Variants in DNAH14 observed in about 807,000 individuals in gnomAD.
DNAH14 encodes axonemal beta dynein heavy chain 14.
In DNAH14, 478 loss-of-function variants were observed where a neutral mutation model predicts 520.9. The observed-to-expected ratio is 0.92, with a 90% CI of 0.85 to 0.99. The LOEUF is 0.99. DNAH14 is among the 50% of genes least tolerant of loss of function. The pLI, the probability that DNAH14 is intolerant of heterozygous loss-of-function variation, is 0.00. For missense variants in DNAH14, 4,831 were observed against 5,234.5 expected, an observed-to-expected ratio of 0.92 and a Z score of 2.38; for synonymous variants, 1,581 against 1,757.2, an observed-to-expected ratio of 0.90 and a Z score of 2.51.
chr1:224,966,738 C>G (rs545130951), intron 5 of DNAH14, among the ~76,000 whole-genome samples: 10 of 152,212 alleles, frequency 6.6e-5, no homozygotes, highest in African/African-American at 2.2e-4. Flanking sequence ...CAGGCTGAAG[C>G]CACAATGGTG....
rs900587509 is a variant in DNAH14, at chr1:225,094,111, A to G, written c.3574-3007A>G. Among the ~76,000 whole-genome samples the G allele has an allele frequency of 2.0e-5, 3 of 152,212 alleles. No individual in the cohort carries two copies. In the East Asian group the frequency reaches 5.8e-4, roughly 29 times the overall value. On this transcript the variant is annotated intron_variant, in intron 21 of 85. Coordinates refer to ENST00000682510, the MANE Select transcript of DNAH14 (RefSeq NM_001367479.1). Reference sequence around the variant, plus strand: ...TATCATGCTACCAATGACATTCTTCACAGAATTAGAAAAATGTTTTAAAAT... The same window carrying G: ...TATCATGCTACCAATGACATTCTTCGCAGAATTAGAAAAATGTTTTAAAAT...
In DNAH14 at chr1:225,042,015, A is replaced by T. The variant is rs1192479922; in HGVS notation, c.1489-820A>T. 3.9e-5 allele frequency among the ~76,000 whole-genome samples: 6 copies of T among 152,302 alleles called. No homozygotes were observed. The East Asian group carries it at 1.2e-3, about 29-fold the overall frequency. Reference sequence around the variant, plus strand: ...TACAGCTTTTCCATCATCCTGAACAAACACTATACCCATTTGTGTGAACAT... The same window carrying T: ...TACAGCTTTTCCATCATCCTGAACATACACTATACCCATTTGTGTGAACAT... On this transcript the variant is annotated intron_variant, in intron 12 of 85. Coordinates refer to ENST00000682510, the MANE Select transcript of DNAH14 (RefSeq NM_001367479.1).
At chr1:225,294,212 A>G (rs1219135374) in intron 55 of DNAH14, among the ~76,000 whole-genome samples, 3 of 151,818 alleles carry the variant, frequency 2.0e-5, no homozygotes, top group African/African-American at 7.3e-5. Context: ...TTTTTTTTCT[A>G]TATTCTGTTT....
chr1:225,344,702 T>G (rs960311507), intron 69 of DNAH14, among the ~76,000 whole-genome samples: 3 of 102,948 alleles, frequency 2.9e-5, no homozygotes, highest in Non-Finnish European at 4.9e-5. Flanking sequence ...TTTATTTATT[T>G]ATTTATTTAT....
Position 225,085,644 on chromosome 1 carries a change from C to T in DNAH14, c.3428C>T (p.Thr1143Ile). The T allele has an allele frequency of 6.4e-7, 1 of 1,551,246 alleles. No homozygotes were observed. The highest frequency in any genetic ancestry group is 1.2e-5 in the South Asian group (1 of 84,048). The change falls in exon 21 of 86, where the codon ACT becomes ATT. Residue 1143 changes from threonine to isoleucine, a missense_variant. Physicochemically the swap from Thr to Ile is moderately conservative, Grantham distance 89. Transcript: ENST00000682510. ...MLFKIIDFWN[T>I]TPLPLILHHT... ...TTTAAGATTATTGATTTTTGGAACA[C>T]TACTCCTTTGCCTTTAATTCTTCAC...
Position 225,377,398 on chromosome 1 carries a change from CA to C in DNAH14, c.12679del (p.Met4227CysfsTer11). ...AAAAGTTTATTGAAAATCTGATTGC[CA>C]TGCAACCAAAAACTACCACTGCCAA... ...GEKFIENLIAMQPKTTTANLM... is the reference protein window; with the variant it reads ...GEKFIENLIAXQPKTTTANLM... On this transcript the variant is annotated frameshift_variant, in exon 79 of 86. Coordinates refer to ENST00000682510, the MANE Select transcript of DNAH14 (RefSeq NM_001367479.1). LOFTEE classifies it high-confidence loss of function. The C allele has an allele frequency of 6.4e-7, 1 of 1,550,922 alleles. No individual in the cohort carries two copies. The highest frequency in any genetic ancestry group is 8.7e-7 in the Non-Finnish European group (1 of 1,146,692).
At chr1:225,384,468 G>C (rs891950234) in intron 81 of DNAH14, among the ~76,000 whole-genome samples, 2 of 152,044 alleles carry the variant, frequency 1.3e-5, no homozygotes, top group Non-Finnish European at 2.9e-5. Context: ...CAACAAAATT[G>C]ATAGACTGCT....
intron 71 of DNAH14, among the ~76,000 whole-genome samples, chr1:225,349,411 G>A (rs2150451015): frequency 6.6e-6 from 1 of 152,170 alleles, no homozygotes; most frequent in South Asian, 2.1e-4. Context: ...AAAGTTACAA[G>A]ACATACAGAA....
intron 60 of DNAH14, among the ~76,000 whole-genome samples, chr1:225,309,307 A>G (rs990605850): frequency 6.6e-6 from 1 of 152,154 alleles, no homozygotes; most frequent in Non-Finnish European, 1.5e-5. Context: ...CATTATTAGC[A>G]TTGCTTTCAA....
chr1:225,212,504 T>G (rs1027703427), intron 41 of DNAH14, among the ~76,000 whole-genome samples: 2 of 152,186 alleles, frequency 1.3e-5, no homozygotes, highest in African/African-American at 2.4e-5. Context: ...ATGATTGAAC[T>G]AGTTTACAGT....
intron 38 of DNAH14, among the ~76,000 whole-genome samples, chr1:225,200,721 TCTG>T (rs1452339985): frequency 6.6e-6 from 1 of 152,168 alleles, no homozygotes; most frequent in Non-Finnish European, 1.5e-5. Context: ...TGCTGAGAAA[TCTG>T]CTGTTAATCT....
intron 27 of DNAH14, among the ~76,000 whole-genome samples, chr1:225,136,294 G>A (rs911665254): frequency 5.3e-5 from 8 of 152,116 alleles, no homozygotes; most frequent in African/African-American, 1.7e-4. Flanking sequence ...GCTGATAATC[G>A]TTTTTTCTTT....
At chr1:224,939,884 G>A (rs1471143977) in intron 1 of DNAH14, among the ~76,000 whole-genome samples, 1 of 152,168 alleles carries the variant, frequency 6.6e-6, no homozygotes, top group Non-Finnish European at 1.5e-5. Flanking sequence ...GGAGGTGACT[G>A]AATCATGGAG....
intron 17 of DNAH14, among the ~76,000 whole-genome samples, chr1:225,056,719 GA>G (rs1202770399): frequency 2.0e-5 from 3 of 152,140 alleles, no homozygotes; most frequent in Non-Finnish European, 2.9e-5. Flanking sequence ...AAGGTGTAAG[GA>G]AGGGATCCAG....
intron 21 of DNAH14, among the ~76,000 whole-genome samples, chr1:225,095,632 T>C (rs1340972327): frequency 6.6e-6 from 1 of 152,180 alleles, no homozygotes; most frequent in Admixed American, 6.5e-5. Context: ...GCACATGTAC[T>C]CCTGAACCTA....
intron 17 of DNAH14, among the ~76,000 whole-genome samples, chr1:225,077,286 C>T (rs927451782): frequency 1.3e-5 from 2 of 152,144 alleles, no homozygotes; most frequent in Admixed American, 6.5e-5. Flanking sequence ...TGTGCATACA[C>T]AAGCTTACAT....
At position 225,153,853 on chromosome 1, in the gene DNAH14, C is replaced by CA. The variant is rs2080761991; in HGVS notation, c.5273+30dup. 2.6e-6 allele frequency: 4 copies of CA among 1,513,308 alleles called. No individual in the cohort carries two copies. The East Asian group carries it at 9.9e-5, about 37-fold the overall frequency. 93.7% of individuals were successfully genotyped at this position (1,513,308 alleles called of 1,614,324 possible). The stretch of plus-strand genomic sequence containing the variant: ...TCAGTTGAATTTTGAATTGTTAGGT[C>CA]AAAGGGAGTTATATACTGCTGGGAA... On this transcript the variant is annotated intron_variant, in intron 34 of 85. Transcript: ENST00000682510.
chr1:225,289,090 A>G (rs970826121), intron 54 of DNAH14, among the ~76,000 whole-genome samples: 2 of 152,188 alleles, frequency 1.3e-5, no homozygotes, highest in Non-Finnish European at 2.9e-5. Flanking sequence ...AAAATGTGAT[A>G]TGTCCATACA....
rs1259056095 is a variant in DNAH14, at chr1:225,335,439, G to A, written c.10081-1827G>A. Among the ~76,000 whole-genome samples the A allele has an allele frequency of 2.3e-5, 3 of 130,102 alleles. 1 individual carries two copies. Among genetic ancestry groups the A allele is most frequent in the Non-Finnish European group, 5.1e-5 (3 of 59,364 alleles). The allele number at this position is 130,102 out of a possible 152,430, so 85.4% of individuals were successfully genotyped here. A position where few individuals can be genotyped will look rare whatever the true frequency, so the allele number is the denominator to read the frequency against. On this transcript the variant is annotated intron_variant, in intron 66 of 85. Coordinates refer to ENST00000682510, the MANE Select transcript of DNAH14 (RefSeq NM_001367479.1). Reference sequence around the variant, plus strand: ...TGCACATATGCACGTGTGTACATGTGTGTGTATGCACATATGCACGTGTGT... The same window carrying A: ...TGCACATATGCACGTGTGTACATGTATGTGTATGCACATATGCACGTGTGT...
Sources: allele counts gnomAD v4.1 joint callset (sites outside exome capture counted in the v4.1 genomes callset), GRCh38; gene constraint gnomAD v4.1.1; transcripts MANE v1.5; gene names NCBI Gene and HGNC (gene_info 2026-07-23, HGNC 2026-07-21).